MED29: variants seen among roughly 807,000 people sequenced by gnomAD.
MED29 encodes the protein mediator of RNA polymerase II transcription subunit 29.
Under a neutral mutation model 22.0 loss-of-function variants are expected in MED29, and 14 were observed. That is an observed-to-expected ratio of 0.64 (90% CI 0.42 to 0.99). The LOEUF is 0.99. Ranked by LOEUF, MED29 falls within the 50% of genes least tolerant of loss-of-function variation. The pLI is 0.00. For missense variants in MED29, 241 were observed against 253.7 expected (o/e 0.95, Z 0.34); for synonymous variants, 123 against 107.8 (o/e 1.14, Z -0.87).
In MED29 at chr19:39,400,418, A is replaced by ATTT. The variant is rs1483927493; in HGVS notation, c.*2723_*2725dup. On this transcript the variant is annotated 3_prime_UTR_variant, in exon 4 of 4. Coordinates refer to ENST00000315588, the MANE Select transcript of MED29 (RefSeq NM_017592.4). ...AGGTGTTTACACCAGCAAAATACTC[A>ATTT]TTTTTTAAGTGTAATTAAGTTGAAG... 1 of 152,166 alleles carries ATTT rather than the reference A, an allele frequency of 6.6e-6. No individual in the cohort carries two copies. Among genetic ancestry groups the ATTT allele is most frequent in the East Asian group, 1.9e-4 (1 of 5,196 alleles). 9.4% of individuals were successfully genotyped at this position (152,166 alleles called of 1,614,324 possible).
At position 39,397,815 on chromosome 19, in the gene MED29, G is replaced by T. The variant is rs868081923; in HGVS notation, c.*116G>T. 3.4e-6 allele frequency: 5 copies of T among 1,471,592 alleles called. No homozygotes were observed. In the South Asian group the frequency reaches 5.4e-5, roughly 16 times the overall value. The allele number at this position is 1,471,592 out of a possible 1,614,324, so 91.2% of individuals were successfully genotyped here. A position where few individuals can be genotyped will look rare whatever the true frequency, so the allele number is the denominator to read the frequency against. On this transcript the variant is annotated 3_prime_UTR_variant, in exon 4 of 4. Transcript: ENST00000315588. ...TCTCTTCCTGCCTGAGCACCGCAGC[G>T]GGAGCCAGCAGGGGGCAGCAGAGGC... is the stretch of plus-strand genomic sequence containing the variant.
rs999659563 is a variant in MED29 at position 39,399,923 on chromosome 19, A to G, written c.*2224A>G. 1.4e-4 allele frequency: 22 copies of G among 152,270 alleles called. No homozygotes were observed. The highest frequency in any genetic ancestry group is 5.3e-4 in the African/African-American group (22 of 41,460). 9.4% of individuals were successfully genotyped at this position (152,270 alleles called of 1,614,324 possible). A position where few individuals can be genotyped will look rare whatever the true frequency, so the allele number is the denominator to read the frequency against. ...GGTGATGGATACACATCTATCAGGC[A>G]CAGGGCGGAGGTGGGCACCACTGAG... On this transcript the variant is annotated 3_prime_UTR_variant, in exon 4 of 4. Transcript: ENST00000315588.
rs2078411814 is a variant in MED29 at position 39,393,591 on chromosome 19, G to A, written c.314G>A (p.Cys105Tyr). ...GGACCCATACAGCGCTTTGACAAGT[G>A]CCTGGAAGAGTTCTATGCACTCTGT... is the stretch of plus-strand genomic sequence containing the variant. ...SDGPIQRFDK[C>Y]LEEFYALCDQ... Residue 105 changes from cysteine to tyrosine, a missense_variant, in exon 3 of 4, where the codon TGC (cysteine) becomes TAC (tyrosine). By Grantham distance (194) the Cys-to-Tyr change is radical (BLOSUM62 -2). Coordinates refer to ENST00000315588, the MANE Select transcript of MED29 (RefSeq NM_017592.4). 11 of 1,614,166 alleles carry A rather than the reference G, an allele frequency of 6.8e-6. No homozygotes were observed. The East Asian group carries it at 2.5e-4, about 36-fold the overall frequency.
At position 39,394,576 on chromosome 19, in the gene MED29, T is replaced by C. The variant is rs867957527; in HGVS notation, c.360+939T>C. Among the ~76,000 whole-genome samples, 763 of 141,932 alleles carry C rather than the reference T, an allele frequency of 5.4e-3. 4 individuals carry two copies. Among genetic ancestry groups the C allele is most frequent in the African/African-American group, 0.02 (742 of 37,578 alleles). 93.1% of individuals were successfully genotyped at this position (141,932 alleles called of 152,430 possible). A position where few individuals can be genotyped will look rare whatever the true frequency, so the allele number is the denominator to read the frequency against. On this transcript the variant is annotated intron_variant, in intron 3 of 3. Transcript: ENST00000315588. ...CCGGCCTTTTTTTTTTTTTTTTTTT[T>C]TTTTTTGAGACAGAGTCTCACTCTG...
intron 2 of MED29, 79 bp downstream of exon 2, chr19:39,392,601 G>T (rs543729123): frequency 3.5e-6 from 4 of 1,133,088 alleles, no homozygotes; most frequent in Non-Finnish European, 5.1e-6. Flanking sequence ...CCTGCTCCCC[G>T]CCCACCTCAC....
Position 39,397,731 on chromosome 19 carries a change from T to G in MED29, c.*32T>G, listed in dbSNP as rs746311399. 6.3e-7 allele frequency: 1 copy of G among 1,595,490 alleles called. No individual in the cohort carries two copies. Among genetic ancestry groups the G allele is most frequent in the East Asian group, 2.2e-5 (1 of 44,634 alleles). Reference sequence around the variant, plus strand: ...GGACAGGGAGTGGGGCAGGCAGTGGTTGGTGGGTGGTGTGCAAAGGGAATG... The same window carrying G: ...GGACAGGGAGTGGGGCAGGCAGTGGGTGGTGGGTGGTGTGCAAAGGGAATG... On this transcript the variant is annotated 3_prime_UTR_variant, in exon 4 of 4. Transcript: ENST00000315588.
At chr19:39,395,785 C>T (rs1054472025) in intron 3 of MED29, among the ~76,000 whole-genome samples, 1 of 152,056 alleles carries the variant, frequency 6.6e-6, no homozygotes. Context: ...GGCGTGGTGG[C>T]AGGCGCCTGC....
chr19:39,394,941 G>A (rs1385497295), intron 3 of MED29, among the ~76,000 whole-genome samples: 1 of 147,426 alleles, frequency 6.8e-6, no homozygotes, highest in Non-Finnish European at 1.5e-5. Flanking sequence ...GCTCACTGCA[G>A]CCTCTACTTC....
intron 2 of MED29, 178 bp downstream of exon 2, chr19:39,392,700 C>T (rs2078399858): frequency 1.7e-6 from 1 of 584,580 alleles, no homozygotes; most frequent in Non-Finnish European, 3.0e-6. Flanking sequence ...GATCTTGGCT[C>T]ATTGCAGCCT....
rs1057292289 is a variant in MED29 at position 39,391,466 on chromosome 19, C to A, written c.44C>A (p.Ala15Asp). The change falls in exon 1 of 4, where the codon GCT becomes GAT. Residue 15 changes from alanine to aspartate, a missense_variant. Coordinates refer to ENST00000315588, the MANE Select transcript of MED29 (RefSeq NM_017592.4). Reference sequence around the variant, plus strand: ...CAAGCTTCAGCGGCTTCCTCAGCTGCTGGTGTATCGGGTCCTAGTTCGGCT... The same window carrying A: ...CAAGCTTCAGCGGCTTCCTCAGCTGATGGTGTATCGGGTCCTAGTTCGGCT... ...QQQASAASSA[A>D]GVSGPSSAGG... 2 of 1,613,472 alleles carry A rather than the reference C, an allele frequency of 1.2e-6. No individual in the cohort carries two copies. The highest frequency in any genetic ancestry group is 1.7e-6 in the Non-Finnish European group (2 of 1,179,868).
rs1383846625 is a variant in MED29 at position 39,398,118 on chromosome 19, C to T, written c.*419C>T. The T allele has an allele frequency of 1.7e-5, 6 of 358,606 alleles. No individual in the cohort carries two copies. Among genetic ancestry groups the T allele is most frequent in the Non-Finnish European group, 2.6e-5 (5 of 195,736 alleles). The allele number at this position is 358,606 out of a possible 1,614,324, so 22.2% of individuals were successfully genotyped here. A position where few individuals can be genotyped will look rare whatever the true frequency, so the allele number is the denominator to read the frequency against. ...TCTCTTTTTCCCTTGTTTCTCTGTTCCTGTTAATGTGTTTCTCCCCATGGT... is the reference window on the plus strand; with the variant it reads ...TCTCTTTTTCCCTTGTTTCTCTGTTTCTGTTAATGTGTTTCTCCCCATGGT... On this transcript the variant is annotated 3_prime_UTR_variant, in exon 4 of 4. Coordinates refer to ENST00000315588, the MANE Select transcript of MED29 (RefSeq NM_017592.4).
rs1329290960 is a variant in MED29, at chr19:39,391,398, ACT to A, written c.-24_-23del. On this transcript the variant is annotated 5_prime_UTR_variant, in exon 1 of 4. Transcript: ENST00000315588. ...ACGGGGAGAGACGCAGTCGTAACGC[ACT>A]TCCGGCGGTCTACGCGAGGAAGATG... is the stretch of plus-strand genomic sequence containing the variant. The A allele has an allele frequency of 6.2e-7, 1 of 1,607,346 alleles. No homozygotes were observed. The highest frequency in any genetic ancestry group is 1.3e-5 in the African/African-American group (1 of 74,832).
intron 3 of MED29, among the ~76,000 whole-genome samples, chr19:39,396,613 C>A (rs2078429843): frequency 6.6e-6 from 1 of 152,102 alleles, no homozygotes; most frequent in Admixed American, 6.6e-5. Flanking sequence ...GAAGTGCCAG[C>A]TCCTCTGGAG....
intron 3 of MED29, among the ~76,000 whole-genome samples, chr19:39,395,714 C>A (rs951013388): frequency 1.1e-4 from 17 of 152,092 alleles, no homozygotes; most frequent in Admixed American, 3.9e-4. Context: ...GTCAGGAGAT[C>A]GAGACCATCC....
chr19:39,391,687 G>A, intron 1 of MED29, 49 bp downstream of exon 1: 2 of 1,521,334 alleles, frequency 1.3e-6, no homozygotes, highest in South Asian at 1.3e-5. Context: ...GTAGTCTAGA[G>A]GGGCAGGCCG....
intron 3 of MED29, 123 bp from the exon 4 acceptor site, chr19:39,397,334 A>G (rs1196519521): frequency 1.9e-6 from 2 of 1,069,662 alleles, no homozygotes; most frequent in African/African-American, 3.1e-5. Context: ...TGGCAGGGCC[A>G]ACCTCTGACT....
intron 1 of MED29, 51 bp from the exon 2 acceptor site, chr19:39,392,413 A>C: frequency 1.5e-5 from 21 of 1,355,530 alleles, no homozygotes; most frequent in Non-Finnish European, 2.0e-5. Context: ...TGCCAGAGGT[A>C]TTCCCTTTTG....
intron 3 of MED29, among the ~76,000 whole-genome samples, chr19:39,394,427 T>C (rs2078417006): frequency 6.6e-6 from 1 of 151,970 alleles, no homozygotes; most frequent in Non-Finnish European, 1.5e-5. Context: ...TGGCTAATTT[T>C]TGTATTTTTA....
At chr19:39,396,376 A>G (rs1267875487) in intron 3 of MED29, among the ~76,000 whole-genome samples, 1 of 151,882 alleles carries the variant, frequency 6.6e-6, no homozygotes, top group Admixed American at 6.6e-5. Context: ...TGGAGGTTGC[A>G]GTGAACCAAG....
Sources: allele counts gnomAD v4.1 joint callset (sites outside exome capture counted in the v4.1 genomes callset), GRCh38; gene constraint gnomAD v4.1.1; transcripts MANE v1.5; gene names NCBI Gene and HGNC (gene_info 2026-07-23, HGNC 2026-07-21).